DCLK1: variants seen among roughly 807,000 people sequenced by gnomAD.
DCLK1 encodes serine/threonine-protein kinase DCLK1.
DCLK1 carries 16 observed loss-of-function variants against 86.2 expected under a neutral mutation model. The ratio of observed to expected loss-of-function variants is 0.19; its 90% CI spans 0.13 to 0.28. The LOEUF (loss-of-function observed/expected upper bound fraction) is 0.28, where lower values mean the gene tolerates loss of function less well. DCLK1 is among the 10% of genes least tolerant of loss of function. The probability of loss-of-function intolerance (pLI) is 1.00; values close to 1 mark genes in which losing one functional copy is unlikely to be tolerated. For missense variants in DCLK1, 590 were observed against 940.2 expected, an observed-to-expected ratio of 0.63 and a Z score of 4.87; for synonymous variants, 369 against 370.5, an observed-to-expected ratio of 1.00 and a Z score of 0.05.
intron 4 of DCLK1, among the ~76,000 whole-genome samples, chr13:35,872,077 A>G (rs931303247): frequency 6.6e-6 from 1 of 152,150 alleles, no homozygotes; most frequent in African/African-American, 2.4e-5. Context: ...AGAGTTTTCT[A>G]TTTCTCTCTT....
At chr13:35,883,912 G>A (rs868745602) in intron 4 of DCLK1, among the ~76,000 whole-genome samples, 2 of 152,204 alleles carry the variant, frequency 1.3e-5, no homozygotes, top group South Asian at 4.1e-4. Flanking sequence ...ATGTGCCAAA[G>A]TGCAGGAGAG....
intron 4 of DCLK1, among the ~76,000 whole-genome samples, chr13:35,921,557 A>G (rs1875804879): frequency 1.3e-5 from 2 of 152,174 alleles, no homozygotes; most frequent in South Asian, 4.1e-4. Context: ...CATCATTCCT[A>G]TAATTATTCC....
At position 35,977,393 on chromosome 13, in the gene DCLK1, C is replaced by T. The variant is rs1329893650; in HGVS notation, c.724-29936G>A. 2.6e-5 allele frequency among the ~76,000 whole-genome samples: 4 copies of T among 152,136 alleles called. No homozygotes were observed. In the South Asian group the frequency reaches 8.3e-4, roughly 31 times the overall value. ...CTCCCAGCTCACCCCAAATAAGTGG[C>T]CTGAGGGCAAGCAAAGGATTGGTGA... On this transcript the variant is annotated intron_variant, in intron 3 of 16. Transcript: ENST00000360631.
chr13:36,112,784 C>T (rs1885661269), intron 2 of DCLK1, among the ~76,000 whole-genome samples: 1 of 152,172 alleles, frequency 6.6e-6, no homozygotes, highest in Non-Finnish European at 1.5e-5. Context: ...GTGATCCACA[C>T]ATACTATAAG....
At chr13:36,018,682 T>TATAA (rs1426157850) in intron 3 of DCLK1, among the ~76,000 whole-genome samples, 1 of 152,206 alleles carries the variant, frequency 6.6e-6, no homozygotes, top group Admixed American at 6.5e-5. Flanking sequence ...TAATTATTTA[T>TATAA]GGAAGAATAT....
At chr13:36,000,626 T>C (rs1298747398) in intron 3 of DCLK1, among the ~76,000 whole-genome samples, 1 of 152,180 alleles carries the variant, frequency 6.6e-6, no homozygotes, top group East Asian at 1.9e-4. Context: ...TCAAAGTATT[T>C]GAAAGATCAT....
chr13:35,989,348 T>TG (rs1880101291), intron 3 of DCLK1, among the ~76,000 whole-genome samples: 1 of 152,150 alleles, frequency 6.6e-6, no homozygotes, highest in African/African-American at 2.4e-5. Flanking sequence ...GTCGACTCAC[T>TG]GCAACATCCG....
intron 4 of DCLK1, among the ~76,000 whole-genome samples, chr13:35,880,731 T>G (rs779449529): frequency 3.3e-5 from 5 of 152,210 alleles, no homozygotes; most frequent in Non-Finnish European, 2.9e-5. Flanking sequence ...CTGTTTTTTC[T>G]CTGCCATGGG....
intron 3 of DCLK1, among the ~76,000 whole-genome samples, chr13:36,082,679 C>T (rs1884460947): frequency 6.6e-6 from 1 of 152,168 alleles, no homozygotes; most frequent in Non-Finnish European, 1.5e-5. Context: ...ACTTAGACCA[C>T]CCTCAGAGAG....
At chr13:35,841,503 G>C (rs1287585175) in intron 6 of DCLK1, among the ~76,000 whole-genome samples, 1 of 151,530 alleles carries the variant, frequency 6.6e-6, no homozygotes, top group African/African-American at 2.4e-5. Context: ...ATCTCTCAAG[G>C]ATTTTAGGCT....
chr13:35,989,350 C>T lies in DCLK1; in HGVS notation c.724-41893G>A, dbSNP rs1325626355. ...GCAGTGACACGATGTCGACTCACTG[C>T]AACATCCGCCTCCTGGGTTCAAGTG... On this transcript the variant is annotated intron_variant, in intron 3 of 16. Transcript: ENST00000360631. 2.6e-5 allele frequency among the ~76,000 whole-genome samples: 4 copies of T among 152,134 alleles called. 1 individual carries two copies. In the South Asian group the frequency reaches 8.3e-4, roughly 31 times the overall value.
chr13:35,784,175 A>G (rs1303856524), intron 16 of DCLK1, among the ~76,000 whole-genome samples: 1 of 152,162 alleles, frequency 6.6e-6, no homozygotes, highest in Non-Finnish European at 1.5e-5. Flanking sequence ...AGGCAAGGGC[A>G]GAATAAATAT....
chr13:35,975,989 C>T (rs923321134), intron 3 of DCLK1, among the ~76,000 whole-genome samples: 2 of 152,188 alleles, frequency 1.3e-5, no homozygotes, highest in African/African-American at 4.8e-5. Flanking sequence ...ATGGCAGTGG[C>T]CTCTGTGGCT....
chr13:36,094,532 G>C (rs1342257650), intron 3 of DCLK1, among the ~76,000 whole-genome samples: 1 of 152,194 alleles, frequency 6.6e-6, no homozygotes. Flanking sequence ...TGCCAGTCAT[G>C]GGTAGTTGCT....
intron 4 of DCLK1, among the ~76,000 whole-genome samples, chr13:35,938,059 G>A (rs1466222792): frequency 6.6e-6 from 1 of 152,166 alleles, no homozygotes; most frequent in African/African-American, 2.4e-5. Flanking sequence ...ACAAAGACAA[G>A]GGACTATCAT....
chr13:36,018,456 A>G (rs1881626677), intron 3 of DCLK1, among the ~76,000 whole-genome samples: 2 of 152,194 alleles, frequency 1.3e-5, no homozygotes, highest in African/African-American at 4.8e-5. Context: ...TTTTCTATGC[A>G]TGTTTCAAAA....
intron 7 of DCLK1, 148 bp downstream of exon 7, chr13:35,838,944 C>T: frequency 3.1e-6 from 2 of 648,916 alleles, no homozygotes; most frequent in Non-Finnish European, 2.6e-6. Context: ...CTGGTGGGCA[C>T]CATATTCAAC....
At chr13:35,935,300 T>A (rs1223616092) in intron 4 of DCLK1, among the ~76,000 whole-genome samples, 1 of 152,050 alleles carries the variant, frequency 6.6e-6, no homozygotes, top group Non-Finnish European at 1.5e-5. Context: ...GAGGGCTAGG[T>A]AAGTCAATTC....
At chr13:36,093,512 C>T (rs920946105) in intron 3 of DCLK1, among the ~76,000 whole-genome samples, 3 of 152,160 alleles carry the variant, frequency 2.0e-5, no homozygotes, top group African/African-American at 7.2e-5. Context: ...ATATTATATA[C>T]ATAAATTCTT....
Sources: allele counts gnomAD v4.1 joint callset (sites outside exome capture counted in the v4.1 genomes callset), GRCh38; gene constraint gnomAD v4.1.1; transcripts MANE v1.5; gene names NCBI Gene and HGNC (gene_info 2026-07-23, HGNC 2026-07-21).